The following ANKRD36C variants were observed in gnomAD, a reference collection of about 807,000 sequenced individuals.
ANKRD36C encodes ankyrin repeat domain-containing protein 36C.
ANKRD36C carries 61 observed loss-of-function variants against 276.4 expected under a neutral mutation model. The ratio of observed to expected loss-of-function variants is 0.22; its 90% confidence interval spans 0.18 to 0.27. The LOEUF (loss-of-function observed/expected upper bound fraction) is 0.27, where lower values mean the gene tolerates loss of function less well. Ranked by LOEUF, ANKRD36C falls within the 10% of genes least tolerant of loss-of-function variation. The probability of loss-of-function intolerance (pLI) is 1.00; values close to 1 mark genes in which losing one functional copy is unlikely to be tolerated. For missense variants in ANKRD36C, 1,447 were observed against 2,032.3 expected (o/e 0.71, Z 5.54); for synonymous variants, 483 against 680.1 (o/e 0.71, Z 4.51).
intron 42 of ANKRD36C, among the ~76,000 whole-genome samples, chr2:95,911,856 G>C (rs1050987675): frequency 7.3e-5 from 11 of 151,410 alleles, no homozygotes; most frequent in African/African-American, 2.4e-4. Context: ...GTGTCTATGG[G>C]TTATTATGAA....
intron 6 of ANKRD36C, among the ~76,000 whole-genome samples, chr2:95,973,552 C>T (rs1289080117): frequency 6.6e-6 from 1 of 152,166 alleles, no homozygotes; most frequent in Non-Finnish European, 1.5e-5. Flanking sequence ...TGTTTCTAAT[C>T]TTTTTTCTTA....
intron 36 of ANKRD36C, among the ~76,000 whole-genome samples, chr2:95,916,937 C>A (rs560633505): frequency 6.6e-6 from 1 of 151,738 alleles, no homozygotes; most frequent in African/African-American, 2.4e-5. Flanking sequence ...AGCAGTTTTT[C>A]ATTCAGAAAT....
intron 44 of ANKRD36C, 22 bp downstream of exon 63, chr2:95,893,674 A>T: frequency 2.5e-6 from 4 of 1,603,512 alleles, no homozygotes; most frequent in Non-Finnish European, 3.4e-6. Flanking sequence ...CTCGTTCACA[A>T]TATAAATGAG....
intron 22 of ANKRD36C, among the ~76,000 whole-genome samples, chr2:95,935,994 G>A (rs1013449649): frequency 6.6e-6 from 1 of 152,306 alleles, no homozygotes; most frequent in Non-Finnish European, 1.5e-5. Context: ...CTTGCAGGAT[G>A]TATTCTCAGT....
intron 59 of ANKRD36C, among the ~76,000 whole-genome samples, chr2:95,872,429 C>T (rs897057401): frequency 1.3e-5 from 2 of 151,106 alleles, no homozygotes; most frequent in Non-Finnish European, 3.0e-5. Flanking sequence ...GGGTACATAA[C>T]GAAATGAAGG....
chr2:95,922,897 C>A (rs946213895), intron 32 of ANKRD36C, among the ~76,000 whole-genome samples: 7 of 151,736 alleles, frequency 4.6e-5, no homozygotes, highest in African/African-American at 1.4e-4. Context: ...TCCAGTAGTT[C>A]CTGGAGCTGC....
At position 95,917,779 on chromosome 2, in the gene ANKRD36C, C is replaced by T. The variant is rs191649323; in HGVS notation, c.2347+76G>A. ...TTGGCGAGCACCCCCAACCGCCCTCCGCTGATTTATTCAGGGTAGAGAAGT... is the reference window on the plus strand; with the variant it reads ...TTGGCGAGCACCCCCAACCGCCCTCTGCTGATTTATTCAGGGTAGAGAAGT... On this transcript the variant is annotated intron_variant, in intron 36 of 66. Coordinates refer to ENST00000456556, the Ensembl canonical transcript of ANKRD36C. The T allele has an allele frequency of 9.2e-5, 140 of 1,518,414 alleles. 2 individuals carry two copies. The highest frequency in any genetic ancestry group is 5.1e-4 in the South Asian group (41 of 81,006). 94.1% of individuals were successfully genotyped at this position (1,518,414 alleles called of 1,614,324 possible). A position where few individuals can be genotyped will look rare whatever the true frequency, so the allele number is the denominator to read the frequency against.
chr2:95,945,966 C>T (rs1296019537), intron 17 of ANKRD36C, among the ~76,000 whole-genome samples: 3 of 152,266 alleles, frequency 2.0e-5, no homozygotes, highest in African/African-American at 7.2e-5. Flanking sequence ...AAAAGAAAAG[C>T]TTGTGTTCAT....
chr2:95,915,225 T>C (rs1225316266), intron 38 of ANKRD36C, among the ~76,000 whole-genome samples: 8 of 151,588 alleles, frequency 5.3e-5, no homozygotes, highest in Non-Finnish European at 1.2e-4. Context: ...AAGAGGTAGC[T>C]CCTTGAACAA....
intron 14 of ANKRD36C, among the ~76,000 whole-genome samples, chr2:95,953,593 G>C (rs1678254261): frequency 1.3e-5 from 2 of 152,056 alleles, no homozygotes; most frequent in South Asian, 2.1e-4. Context: ...ATACTCATAT[G>C]ATATACAACT....
chr2:95,987,811 A>C (rs903379965), intron 1 of ANKRD36C, among the ~76,000 whole-genome samples: 7 of 151,982 alleles, frequency 4.6e-5, no homozygotes, highest in African/African-American at 7.2e-5. Context: ...CATTTTAATT[A>C]AGTAAAATGA....
chr2:95,930,562 T>C (rs903290021), intron 24 of ANKRD36C, among the ~76,000 whole-genome samples: 11 of 151,458 alleles, frequency 7.3e-5, no homozygotes, highest in African/African-American at 2.7e-4. Context: ...AAATAATGTG[T>C]AATCAGATTC....
At chr2:95,927,516 G>A (rs1677440785) in intron 26 of ANKRD36C, 107 bp from the exon 27 acceptor site, 8 of 1,520,998 alleles carry the variant, frequency 5.3e-6, no homozygotes, top group Non-Finnish European at 7.1e-6. Flanking sequence ...CTGTACTAGT[G>A]TAGGCTTTGA....
At chr2:95,867,334 G>A (rs1675703562) in intron 60 of ANKRD36C, 106 bp downstream of exon 80, 1 of 600,152 alleles carries the variant, frequency 1.7e-6, no homozygotes, top group African/African-American at 1.9e-5. Context: ...TTTCTGAGAT[G>A]AACATTCTTG....
chr2:95,911,915 G>T (rs1290812038), intron 42 of ANKRD36C, among the ~76,000 whole-genome samples: 2 of 151,354 alleles, frequency 1.3e-5, no homozygotes, highest in Non-Finnish European at 3.0e-5. Flanking sequence ...TGTAAAATCT[G>T]TACTTCCTAT....
chr2:95,887,083 G>A (rs1573740562), intron 50 of ANKRD36C, among the ~76,000 whole-genome samples: 1 of 151,022 alleles, frequency 6.6e-6, no homozygotes. Flanking sequence ...CATTATTTTT[G>A]TTTCTAAAAT....
chr2:95,869,328 T>A (rs1675750798), intron 59 of ANKRD36C, among the ~76,000 whole-genome samples: 1 of 152,208 alleles, frequency 6.6e-6, no homozygotes, highest in Non-Finnish European at 1.5e-5. Context: ...TAATTCATTA[T>A]GTGTTAAATT....
At chr2:95,913,534 T>C (rs1187959790) in intron 40 of ANKRD36C, among the ~76,000 whole-genome samples, 1 of 151,394 alleles carries the variant, frequency 6.6e-6, no homozygotes, top group African/African-American at 2.4e-5. Flanking sequence ...GCAGCCAAAA[T>C]CAAATATTTG....
rs944499502 is a variant in ANKRD36C at position 95,897,598 on chromosome 2, G to T, written c.2755+1547C>A. 7.4e-5 allele frequency: 64 copies of T among 868,316 alleles called. 2 individuals are homozygous for T. The highest frequency in any genetic ancestry group is 1.1e-4 in the Non-Finnish European group (60 of 556,246). 53.8% of individuals were successfully genotyped at this position (868,316 alleles called of 1,614,324 possible). A position where few individuals can be genotyped will look rare whatever the true frequency, so the allele number is the denominator to read the frequency against. On this transcript the variant is annotated intron_variant, in intron 44 of 66. Coordinates refer to ENST00000456556, the Ensembl canonical transcript of ANKRD36C. The stretch of plus-strand genomic sequence containing the variant: ...TAGGCTTTGATGGCTTCTACTTTGT[G>T]TCTGGGGACTAGAACATGACAGAAA...
Sources: gnomAD v4.1 joint callset for allele counts (sites outside exome capture counted in the v4.1 genomes callset) on GRCh38, gnomAD v4.1.1 for gene constraint, MANE v1.5 for transcripts, NCBI Gene and HGNC (gene_info 2026-07-23, HGNC 2026-07-21) for gene names.